The following HTR1F variants were observed in gnomAD, a reference collection of about 807,000 sequenced individuals.
HTR1F encodes the protein 5-hydroxytryptamine receptor 1F, also known as 5-hydroxytryptamine (serotonin) receptor 1F, G protein-coupled.
Under a neutral mutation model 24.0 loss-of-function variants are expected in HTR1F, and 17 were observed. That is an observed-to-expected ratio of 0.71 (90% CI 0.48 to 1.06). The LOEUF (loss-of-function observed/expected upper bound fraction) is 1.06, where lower values mean the gene tolerates loss of function less well. HTR1F is among the 50% of genes least tolerant of loss of function. HTR1F has a pLI of 0.00. For missense variants in HTR1F, 391 were observed against 427.8 expected, an observed-to-expected ratio of 0.91 and a Z score of 0.76; for synonymous variants, 186 against 156.8, an observed-to-expected ratio of 1.19 and a Z score of -1.39.
chr3:87,843,452 CT>C (rs1011295718), intron 2 of HTR1F, among the ~76,000 whole-genome samples: 1 of 150,582 alleles, frequency 6.6e-6, no homozygotes, highest in Admixed American at 6.6e-5. Flanking sequence ...ACATAAATTT[CT>C]TGCCATAGAT....
chr3:87,831,573 A>G (rs1167703780), intron 2 of HTR1F, among the ~76,000 whole-genome samples: 2 of 151,860 alleles, frequency 1.3e-5, no homozygotes, highest in Non-Finnish European at 2.9e-5. Flanking sequence ...CTTGTTAGCC[A>G]GGATGGTCTC....
intron 1 of HTR1F, among the ~76,000 whole-genome samples, chr3:87,815,906 G>C (rs751108977): frequency 2.0e-5 from 3 of 152,084 alleles, no homozygotes; most frequent in South Asian, 2.1e-4. Context: ...GCCTTTTCTG[G>C]TATATAAAAC....
In HTR1F at chr3:87,902,805, G is replaced by A. The variant is rs569607265; in HGVS notation, c.-43+80681G>A. Among the ~76,000 whole-genome samples the A allele has an allele frequency of 3.1e-4, 41 of 134,200 alleles. No individual in the cohort carries two copies. The East Asian group carries it at 8.0e-3, about 26-fold the overall frequency. 88.0% of individuals were successfully genotyped at this position (134,200 alleles called of 152,430 possible). A position where few individuals can be genotyped will look rare whatever the true frequency, so the allele number is the denominator to read the frequency against. On this transcript the variant is annotated intron_variant, in intron 2 of 2. Coordinates refer to ENST00000319595, the MANE Select transcript of HTR1F (RefSeq NM_001322209.2). Reference sequence around the variant, plus strand: ...GATGCTCCCCTTCCTGTGTCCATGTGTTCTCATTGTTCAATTCCCACCTAT... The same window carrying A: ...GATGCTCCCCTTCCTGTGTCCATGTATTCTCATTGTTCAATTCCCACCTAT...
At chr3:87,941,779 G>A (rs115052334) in intron 2 of HTR1F, among the ~76,000 whole-genome samples, 2,676 of 152,240 alleles carry the variant, frequency 0.018, 35 homozygotes, top group Non-Finnish European at 0.025. Context: ...CTGCTATTTG[G>A]GAAAGCAGAG....
intron 2 of HTR1F, among the ~76,000 whole-genome samples, chr3:87,903,698 C>A (rs35314622): frequency 0.088 from 13,333 of 151,740 alleles, 1,835 homozygotes; most frequent in African/African-American, 0.3. Flanking sequence ...TAGTTCAACC[C>A]TTGTGGAAGT....
chr3:87,993,776 G>A lies in HTR1F; in HGVS notation c.*1926G>A, dbSNP rs1226271382. 1 of 166,862 alleles carries A rather than the reference G, an allele frequency of 6.0e-6. No homozygotes were observed. The highest frequency in any genetic ancestry group is 1.5e-5 in the Non-Finnish European group (1 of 68,076). The allele number at this position is 166,862 out of a possible 1,614,324, so 10.3% of individuals were successfully genotyped here. On this transcript the variant is annotated 3_prime_UTR_variant, in exon 3 of 3. Coordinates refer to ENST00000319595, the MANE Select transcript of HTR1F (RefSeq NM_001322209.2). Reference sequence around the variant, plus strand: ...ACAGTCAATTTTATTGCTGACGATGGGTAATCACTGATACTTTTAGCAAAA... The same window carrying A: ...ACAGTCAATTTTATTGCTGACGATGAGTAATCACTGATACTTTTAGCAAAA...
At chr3:87,864,919 A>G (rs1575961765) in intron 2 of HTR1F, among the ~76,000 whole-genome samples, 1 of 151,914 alleles carries the variant, frequency 6.6e-6, no homozygotes. Context: ...AAAGAAAAGA[A>G]AAGAAAAGAA....
intron 1 of HTR1F, among the ~76,000 whole-genome samples, chr3:87,798,995 A>G (rs1208487419): frequency 6.6e-6 from 1 of 152,180 alleles, no homozygotes; most frequent in Non-Finnish European, 1.5e-5. Context: ...TCCTTTTGAG[A>G]GTCTCAAAAC....
intron 2 of HTR1F, among the ~76,000 whole-genome samples, chr3:87,892,359 T>C (rs1706103599): frequency 2.0e-5 from 3 of 152,096 alleles, no homozygotes; most frequent in Admixed American, 2.0e-4. Flanking sequence ...TCATTTAACA[T>C]TTTTATTTCC....
chr3:87,936,459 T>C (rs757018349), intron 2 of HTR1F, among the ~76,000 whole-genome samples: 1 of 152,216 alleles, frequency 6.6e-6, no homozygotes, highest in African/African-American at 2.4e-5. Flanking sequence ...CTTTATCATC[T>C]AGTTATTAAC....
chr3:87,902,291 A>T (rs1169257241), intron 2 of HTR1F, among the ~76,000 whole-genome samples: 1 of 152,158 alleles, frequency 6.6e-6, no homozygotes, highest in African/African-American at 2.4e-5. Flanking sequence ...ATTTATAATC[A>T]ATATGCCACC....
chr3:87,974,016 A>G (rs756247557), intron 2 of HTR1F, among the ~76,000 whole-genome samples: 1 of 152,216 alleles, frequency 6.6e-6, no homozygotes, highest in Non-Finnish European at 1.5e-5. Context: ...ACAAGTCCCA[A>G]TGAGCCACCA....
chr3:87,844,087 C>G (rs1339719012), intron 2 of HTR1F, among the ~76,000 whole-genome samples: 1 of 149,676 alleles, frequency 6.7e-6, no homozygotes, highest in Non-Finnish European at 1.5e-5. Context: ...GTTCTAGATC[C>G]CTGAGGAATC....
At chr3:87,880,709 G>A (rs576984315) in intron 2 of HTR1F, among the ~76,000 whole-genome samples, 1 of 151,842 alleles carries the variant, frequency 6.6e-6, no homozygotes, top group South Asian at 2.1e-4. Context: ...TGGCGGGGCG[G>A]GGAGAGAGAG....
At chr3:87,981,189 GT>G (rs1178917400) in intron 2 of HTR1F, among the ~76,000 whole-genome samples, 3 of 151,980 alleles carry the variant, frequency 2.0e-5, no homozygotes, top group Non-Finnish European at 4.4e-5. Context: ...TATGTTTTGG[GT>G]TTTTTTGTTT....
chr3:87,982,198 C>T (rs373866204), intron 2 of HTR1F, among the ~76,000 whole-genome samples: 3 of 152,336 alleles, frequency 2.0e-5, no homozygotes, highest in East Asian at 1.9e-4. Context: ...ACTGGGATTA[C>T]AGGCATAAGC....
intron 2 of HTR1F, among the ~76,000 whole-genome samples, chr3:87,864,525 T>A (rs1705381902): frequency 6.6e-6 from 1 of 152,176 alleles, no homozygotes; most frequent in Admixed American, 6.5e-5. Flanking sequence ...GGTTCTTCAA[T>A]CTAGAAAGAC....
At position 87,812,390 on chromosome 3, in the gene HTR1F, G is replaced by A. The variant is rs1334000104; in HGVS notation, c.-159-9618G>A. On this transcript the variant is annotated intron_variant, in intron 1 of 2. Coordinates refer to ENST00000319595, the MANE Select transcript of HTR1F (RefSeq NM_001322209.2). ...TCTTGGGAAGTGGAGCAAAGGTCACGCTTACTATGCTTTAGCAAAGAGACT... is the reference window on the plus strand; with the variant it reads ...TCTTGGGAAGTGGAGCAAAGGTCACACTTACTATGCTTTAGCAAAGAGACT... Among the ~76,000 whole-genome samples, 11 of 151,886 alleles carry A rather than the reference G, an allele frequency of 7.2e-5. No homozygotes were observed. In the South Asian group the frequency reaches 1.5e-3, roughly 20 times the overall value.
intron 2 of HTR1F, among the ~76,000 whole-genome samples, chr3:87,875,374 A>G (rs925799050): frequency 6.6e-6 from 1 of 151,142 alleles, no homozygotes; most frequent in African/African-American, 2.4e-5. Flanking sequence ...ACTTGAACCC[A>G]GGGAGATGGA....
Sources: gnomAD v4.1 joint callset for allele counts (sites outside exome capture counted in the v4.1 genomes callset) on GRCh38, gnomAD v4.1.1 for gene constraint, MANE v1.5 for transcripts, NCBI Gene and HGNC (gene_info 2026-07-23, HGNC 2026-07-21) for gene names.